The following S1PR3 variants were observed in gnomAD, a reference collection of about 807,000 sequenced individuals.
S1PR3 encodes sphingosine-1-phosphate receptor 3, also known as sphingosine 1-phosphate receptor 3.
In S1PR3, 12 loss-of-function variants were observed where a neutral mutation model predicts 13.3. That is an observed-to-expected ratio of 0.90 (90% confidence interval 0.58 to 1.46). The LOEUF is 1.46. S1PR3 is among the 40% of genes most tolerant of loss of function. S1PR3 has a pLI of 0.00. For missense variants in S1PR3, 450 were observed against 501.9 expected, an observed-to-expected ratio of 0.90 and a Z score of 0.99; for synonymous variants, 232 against 214.0, an observed-to-expected ratio of 1.08 and a Z score of -0.73.
upstream of S1PR3, chr9:88,991,319 G>C: frequency 6.8e-7 from 1 of 1,477,068 alleles, no homozygotes; most frequent in Non-Finnish European, 9.1e-7. The surrounding 1 kb of genome is among the most constrained non-coding windows in gnomAD (Gnocchi z 4.0). Context: ...GGGAGGTGGG[G>C]AGCTGGAGGA....
At position 89,001,256 on chromosome 9, in the gene S1PR3, G is replaced by T; in HGVS notation, c.56G>T (p.Arg19Leu). Residue 19 changes from arginine to leucine, a missense_variant, in exon 2 of 2, where the codon CGG becomes CTG. Arg to Leu is a moderately radical substitution (Grantham distance 102). Coordinates refer to ENST00000358157, the MANE Select transcript of S1PR3 (RefSeq NM_005226.4). Reference sequence around the variant, plus strand: ...CCGGTGCGGGGGAACGAGACCCTGCGGGAGCATTACCAGTACGTGGGGAAG... The same window carrying T: ...CCGGTGCGGGGGAACGAGACCCTGCTGGAGCATTACCAGTACGTGGGGAAG... ...LQPVRGNETLREHYQYVGKLA... is the reference protein window; with the variant it reads ...LQPVRGNETLLEHYQYVGKLA... 6.2e-7 allele frequency: 1 copy of T among 1,614,110 alleles called. No individual in the cohort carries two copies. Among genetic ancestry groups the T allele is most frequent in the Non-Finnish European group, 8.5e-7 (1 of 1,180,010 alleles).
intron 1 of S1PR3, chr9:88,995,831 T>C (rs1299909530): frequency 6.0e-6 from 1 of 166,690 alleles, no homozygotes; most frequent in Admixed American, 6.6e-5. Flanking sequence ...TGGAAGAGAG[T>C]GGAACGACCA....
chr9:88,991,962 C>T lies in S1PR3; in HGVS notation c.-148+267C>T, dbSNP rs1256233454. 3.1e-6 allele frequency: 5 copies of T among 1,614,254 alleles called. No individual in the cohort carries two copies. The Admixed American group carries it at 6.7e-5, about 22-fold the overall frequency. ...GGAGAGGCTGTTCGTGGAGAAGTTC[C>T]ATCAGTCGTTTTCCTTGGACAATTA... On this transcript the variant is annotated intron_variant, in intron 1 of 1. Coordinates refer to ENST00000358157, the MANE Select transcript of S1PR3 (RefSeq NM_005226.4). The surrounding 1 kb of genome is among the most constrained non-coding windows in gnomAD (Gnocchi z 4.0).
At chr9:88,999,696 T>G (rs2118600246) in intron 1 of S1PR3, 1 of 152,314 alleles carries the variant, frequency 6.6e-6, no homozygotes, top group African/African-American at 2.4e-5. Context: ...AATTACATAT[T>G]TAAATACTCA....
At chr9:88,992,106 C>A in intron 1 of S1PR3, 1 of 1,459,662 alleles carries the variant, frequency 6.9e-7, no homozygotes, top group East Asian at 2.3e-5. Flanking sequence ...TAGTTTTTTC[C>A]TAACATTTCT....
In S1PR3 at chr9:89,001,158, C is replaced by T; in HGVS notation, c.-43C>T. 3.8e-6 allele frequency: 6 copies of T among 1,595,674 alleles called. No homozygotes were observed. Among genetic ancestry groups the T allele is most frequent in the Non-Finnish European group, 5.1e-6 (6 of 1,169,256 alleles). On this transcript the variant is annotated 5_prime_UTR_variant, in exon 2 of 2. Transcript: ENST00000358157. Reference sequence around the variant, plus strand: ...TTTGAAATGAATGTTCCTGGGGCGCCCTCTCGTGGATTTTGGAGCTAATCG... The same window carrying T: ...TTTGAAATGAATGTTCCTGGGGCGCTCTCTCGTGGATTTTGGAGCTAATCG...
chr9:89,001,151 G>C lies in S1PR3; in HGVS notation c.-50G>C. The stretch of plus-strand genomic sequence containing the variant: ...GCTTCCCTTTGAAATGAATGTTCCT[G>C]GGGCGCCCTCTCGTGGATTTTGGAG... On this transcript the variant is annotated 5_prime_UTR_variant, in exon 2 of 2. Coordinates refer to ENST00000358157, the MANE Select transcript of S1PR3 (RefSeq NM_005226.4). 6.3e-7 allele frequency: 1 copy of C among 1,587,972 alleles called. No individual in the cohort carries two copies. The highest frequency in any genetic ancestry group is 8.6e-7 in the Non-Finnish European group (1 of 1,164,422).
rs1215900197 is a variant in S1PR3 at position 89,001,769 on chromosome 9, C to T, written c.569C>T (p.Pro190Leu). 3.7e-6 allele frequency: 6 copies of T among 1,614,240 alleles called. No homozygotes were observed. In the South Asian group the frequency reaches 5.5e-5, roughly 15 times the overall value. Reference sequence around the variant, plus strand: ...CTCCCTGACTGCTCTACCATCCTGCCCCTCTACTCCAAGAAGTACATTGCC... The same window carrying T: ...CTCCCTGACTGCTCTACCATCCTGCTCCTCTACTCCAAGAAGTACATTGCC... ...HNLPDCSTIL[P>L]LYSKKYIAFC... Residue 190 changes from proline to leucine, a missense_variant, in exon 2 of 2, where the codon CCC becomes CTC. Pro to Leu is a moderately conservative substitution (Grantham distance 98). Coordinates refer to ENST00000358157, the MANE Select transcript of S1PR3 (RefSeq NM_005226.4).
rs1370812038 is a variant in S1PR3 at position 89,001,981 on chromosome 9, ATCCTCTTCC to A, written c.784_792del (p.Leu262_Leu264del). 6.2e-7 allele frequency: 1 copy of A among 1,613,972 alleles called. No individual in the cohort carries two copies. Among genetic ancestry groups the A allele is most frequent in the South Asian group, 1.1e-5 (1 of 91,070 alleles). Reference sequence around the variant, plus strand: ...CATCGCCTGCTGGTCCCCACTCTTCATCCTCTTCCTCATTGATGTGGCCTGCAGGGTGCA... The same window carrying A: ...CATCGCCTGCTGGTCCCCACTCTTCATCATTGATGTGGCCTGCAGGGTGCA... On this transcript the variant is annotated inframe_deletion, in exon 2 of 2. Transcript: ENST00000358157.
chr9:88,991,137 C>T, upstream of S1PR3: 1 of 1,611,442 alleles, frequency 6.2e-7, no homozygotes, highest in Non-Finnish European at 8.5e-7. The surrounding 1 kb of genome is among the most constrained non-coding windows in gnomAD (Gnocchi z 4.0). Flanking sequence ...CCCGCTGGGT[C>T]TCTGGGCGCC....
chr9:88,991,663 T>C lies in S1PR3; in HGVS notation c.-180T>C. ...CACCGCCGCGCGCCACCCGCTAGGATGCCGGTGGCCCCAGCGCCCTCAGCC... is the reference window on the plus strand; with the variant it reads ...CACCGCCGCGCGCCACCCGCTAGGACGCCGGTGGCCCCAGCGCCCTCAGCC... On this transcript the variant is annotated 5_prime_UTR_variant, in exon 1 of 2. It removes an upstream start codon present in the reference 5' UTR. Coordinates refer to ENST00000358157, the MANE Select transcript of S1PR3 (RefSeq NM_005226.4). The surrounding 1 kb of genome is among the most constrained non-coding windows in gnomAD (Gnocchi z 4.0). The C allele has an allele frequency of 6.6e-7, 1 of 1,516,836 alleles. No individual in the cohort carries two copies. Among genetic ancestry groups the C allele is most frequent in the Non-Finnish European group, 8.8e-7 (1 of 1,134,538 alleles). 94.0% of individuals were successfully genotyped at this position (1,516,836 alleles called of 1,614,324 possible). A position where few individuals can be genotyped will look rare whatever the true frequency, so the allele number is the denominator to read the frequency against.
rs139877318 is a variant in S1PR3, at chr9:89,005,035, T to C, written c.*2698T>C. ...ACTCTTCGTAGTCCATGTGATGGGA[T>C]TGTTTTATCGTTTTCACCGGGTGCC... On this transcript the variant is annotated 3_prime_UTR_variant, in exon 2 of 2. Transcript: ENST00000358157. 1.4e-3 allele frequency: 239 copies of C among 166,354 alleles called. 1 individual carries two copies. The highest frequency in any genetic ancestry group is 5.3e-3 in the African/African-American group (220 of 41,572). 10.3% of individuals were successfully genotyped at this position (166,354 alleles called of 1,614,324 possible).
upstream of S1PR3, chr9:88,991,387 G>C (rs1349743459): frequency 2.8e-6 from 4 of 1,416,600 alleles, no homozygotes; most frequent in Non-Finnish European, 3.8e-6. The surrounding 1 kb of genome is among the most constrained non-coding windows in gnomAD (Gnocchi z 4.0). Context: ...GGCGGGAGTC[G>C]GGGGCGGCGA....
upstream of S1PR3, chr9:88,991,132 TG>T (rs971035529): frequency 1.9e-6 from 3 of 1,611,736 alleles, no homozygotes; most frequent in Non-Finnish European, 2.5e-6. The surrounding 1 kb of genome is among the most constrained non-coding windows in gnomAD (Gnocchi z 4.0). Flanking sequence ...CTGTTCCCGC[TG>T]GGTCTCTGGG....
Position 89,001,980 on chromosome 9 carries a change from C to A in S1PR3, c.780C>A (p.Phe260Leu). 1 of 1,614,186 alleles carries A rather than the reference C, an allele frequency of 6.2e-7. No individual in the cohort carries two copies. ...SVFIACWSPLFILFLIDVACR... is the reference protein window; with the variant it reads ...SVFIACWSPLLILFLIDVACR... ...TCATCGCCTGCTGGTCCCCACTCTT[C>A]ATCCTCTTCCTCATTGATGTGGCCT... The change falls in exon 2 of 2, where the codon TTC (phenylalanine) becomes TTA (leucine). Residue 260 changes from phenylalanine (F) to leucine (L), a missense_variant. Transcript: ENST00000358157.
At chr9:88,995,228 T>C (rs1304575186) in intron 1 of S1PR3, 1 of 167,082 alleles carries the variant, frequency 6.0e-6, no homozygotes, top group Non-Finnish European at 1.5e-5. Context: ...ACCAAGATGC[T>C]ATCTTACTAT....
chr9:89,004,604 G>C lies in S1PR3; in HGVS notation c.*2267G>C. ...TAACCCTGATGTCCGCAGTATCTAA[G>C]TATCTCAGCCTTCATCCATTAACTC... On this transcript the variant is annotated 3_prime_UTR_variant, in exon 2 of 2. Coordinates refer to ENST00000358157, the MANE Select transcript of S1PR3 (RefSeq NM_005226.4). The C allele has an allele frequency of 1.2e-5, 2 of 167,170 alleles. No homozygotes were observed. The allele number at this position is 167,170 out of a possible 1,614,324, so 10.4% of individuals were successfully genotyped here.
At chr9:88,995,394 T>C (rs1825789173) in intron 1 of S1PR3, 2 of 167,102 alleles carry the variant, frequency 1.2e-5, no homozygotes. Flanking sequence ...ATCGCTAGTA[T>C]AGAAAGCACA....
At position 88,991,627 on chromosome 9, in the gene S1PR3, G is replaced by T. The variant is rs1340857204; in HGVS notation, c.-216G>T. On this transcript the variant is annotated 5_prime_UTR_variant, in exon 1 of 2. Coordinates refer to ENST00000358157, the MANE Select transcript of S1PR3 (RefSeq NM_005226.4). This position sits in a 1 kb window ranked among gnomAD's most constrained non-coding sequence, Gnocchi z 4.0. Reference sequence around the variant, plus strand: ...CCATCTGGCATTCGAGCGCAGGACCGGGCGCCCCGGCACCGCCGCGCGCCA... The same window carrying T: ...CCATCTGGCATTCGAGCGCAGGACCTGGCGCCCCGGCACCGCCGCGCGCCA... 2.0e-6 allele frequency: 3 copies of T among 1,534,774 alleles called. No individual in the cohort carries two copies. The highest frequency in any genetic ancestry group is 2.5e-5 in the East Asian group (1 of 39,318).
Sources: gnomAD v4.1 joint callset for allele counts on GRCh38, gnomAD v4.1.1 for gene constraint, Gnocchi (gnomAD v3.1) non-coding constraint, MANE v1.5 for transcripts, NCBI Gene and HGNC (gene_info 2026-07-23, HGNC 2026-07-21) for gene names.